The following XKR9 variants were observed in gnomAD, a reference collection of about 807,000 sequenced individuals.
The protein encoded by XKR9 is XK related 9, also known as XK-related protein 9.
A neutral mutation model predicts 32.0 loss-of-function variants in XKR9; 32 were observed. The observed-to-expected ratio is 1.00, with a 90% CI of 0.76 to 1.34. The LOEUF is 1.34. Among genes scored for constraint, XKR9 ranks in the 40% most tolerant of loss-of-function variants. The pLI is 0.00. For missense variants in XKR9, 546 were observed against 429.7 expected, an observed-to-expected ratio of 1.27 and a Z score of -2.39; for synonymous variants, 168 against 143.4, an observed-to-expected ratio of 1.17 and a Z score of -1.22.
chr8:70,760,137 A>G (rs899237983), intron 2 of XKR9, among the ~76,000 whole-genome samples: 1 of 152,230 alleles, frequency 6.6e-6, no homozygotes. Flanking sequence ...TTCAACAGTC[A>G]TCATTCTGTA....
chr8:70,898,652 A>G, the XKR9 span, among the ~76,000 whole-genome samples: 2 of 152,176 alleles, frequency 1.3e-5, no homozygotes, highest in East Asian at 3.8e-4. Flanking sequence ...TCTGTTATTA[A>G]TATCTAGTTT....
the XKR9 span, among the ~76,000 whole-genome samples, chr8:70,972,324 AAC>A: frequency 5.9e-5 from 9 of 152,102 alleles, no homozygotes; most frequent in African/African-American, 2.2e-4. Flanking sequence ...TGTATCCTGA[AAC>A]TTTGCTGAAT....
chr8:70,794,623 C>A (rs1807805064), downstream of XKR9, among the ~76,000 whole-genome samples: 1 of 151,932 alleles, frequency 6.6e-6, no homozygotes, highest in Admixed American at 6.6e-5. Flanking sequence ...TAGTTTTAAA[C>A]TGTCATTCTA....
At chr8:70,844,284 A>C in the XKR9 span, among the ~76,000 whole-genome samples, 1 of 152,178 alleles carries the variant, frequency 6.6e-6, no homozygotes, top group Non-Finnish European at 1.5e-5. Flanking sequence ...CAGGGTTGCC[A>C]CCATGTACTT....
the XKR9 span, among the ~76,000 whole-genome samples, chr8:70,847,972 C>A: frequency 6.6e-6 from 1 of 151,970 alleles, no homozygotes; most frequent in Admixed American, 6.6e-5. Context: ...TTCTACAAGG[C>A]CAACACTACT....
At chr8:70,914,570 G>C in the XKR9 span, among the ~76,000 whole-genome samples, 9 of 152,038 alleles carry the variant, frequency 5.9e-5, no homozygotes, top group South Asian at 1.9e-3. Context: ...CTATTGTATT[G>C]TTTGCTTTTC....
the XKR9 span, among the ~76,000 whole-genome samples, chr8:70,855,659 C>A: frequency 6.6e-6 from 1 of 152,206 alleles, no homozygotes; most frequent in Non-Finnish European, 1.5e-5. Context: ...AAAAGCAATT[C>A]CAAGACACAT....
chr8:70,731,708 T>A (rs1356490470), intron 4 of XKR9, among the ~76,000 whole-genome samples: 1 of 152,108 alleles, frequency 6.6e-6, no homozygotes, highest in Admixed American at 6.5e-5. Context: ...CAATGGGTGA[T>A]CTCTGGGCAA....
intron 3 of XKR9, among the ~76,000 whole-genome samples, chr8:70,684,532 C>A (rs956313216): frequency 1.3e-5 from 2 of 150,842 alleles, no homozygotes; most frequent in Non-Finnish European, 3.0e-5. Context: ...TTATCTGGAT[C>A]AATTAAAATT....
chr8:70,897,823 C>T, the XKR9 span, among the ~76,000 whole-genome samples: 3 of 152,148 alleles, frequency 2.0e-5, no homozygotes, highest in Non-Finnish European at 4.4e-5. Context: ...CGTGGGTTAT[C>T]TCTTCACTTT....
At chr8:70,705,506 A>G (rs572249131) in intron 3 of XKR9, among the ~76,000 whole-genome samples, 61 of 152,230 alleles carry the variant, frequency 4.0e-4, no homozygotes, top group Non-Finnish European at 6.3e-4. Context: ...CTGAAAATAT[A>G]TGGAGTTTAG....
chr8:70,849,362 A>T, the XKR9 span, among the ~76,000 whole-genome samples: 1 of 152,242 alleles, frequency 6.6e-6, no homozygotes, highest in Non-Finnish European at 1.5e-5. Flanking sequence ...CTCCAGAATG[A>T]CTACTGGGTA....
chr8:70,870,599 G>A, the XKR9 span, among the ~76,000 whole-genome samples: 1 of 152,300 alleles, frequency 6.6e-6, no homozygotes, highest in East Asian at 1.9e-4. Flanking sequence ...TCGGTAATTT[G>A]CCGTGTAAAG....
chr8:70,877,719 C>A, the XKR9 span, among the ~76,000 whole-genome samples: 1 of 152,150 alleles, frequency 6.6e-6, no homozygotes. Flanking sequence ...GAGAATGGAA[C>A]CAAGTTGGAA....
chr8:70,839,749 C>T, the XKR9 span, among the ~76,000 whole-genome samples: 1 of 152,112 alleles, frequency 6.6e-6, no homozygotes, highest in African/African-American at 2.4e-5. Flanking sequence ...CAAATAATAG[C>T]ATATACTCTG....
intron 2 of XKR9, among the ~76,000 whole-genome samples, chr8:70,778,381 G>C (rs1297998349): frequency 6.6e-6 from 1 of 152,190 alleles, no homozygotes; most frequent in Non-Finnish European, 1.5e-5. Flanking sequence ...CAGGTAGCCT[G>C]ATGCCTCCAG....
At chr8:70,765,547 G>A (rs2197368) in intron 2 of XKR9, among the ~76,000 whole-genome samples, 102,814 of 152,000 alleles carry the variant, frequency 0.68, 35,270 homozygotes, top group Admixed American at 0.74. Flanking sequence ...GATGATGTTC[G>A]CTTTCCTGTT....
At chr8:71,007,027 CAG>C in the XKR9 span, among the ~76,000 whole-genome samples, 1 of 152,176 alleles carries the variant, frequency 6.6e-6, no homozygotes, top group Non-Finnish European at 1.5e-5. Context: ...GTGTTATAAT[CAG>C]AGAGGTTTAC....
At chr8:70,754,203 A>G (rs184586061) in intron 2 of XKR9, among the ~76,000 whole-genome samples, 163 of 148,362 alleles carry the variant, frequency 1.1e-3, no homozygotes, top group African/African-American at 3.9e-3. Flanking sequence ...GAATCAACTT[A>G]CAAGGGATGT....
Sources: allele counts gnomAD v4.1 joint callset (sites outside exome capture counted in the v4.1 genomes callset), GRCh38; gene constraint gnomAD v4.1.1; transcripts MANE v1.5; gene names NCBI Gene and HGNC (gene_info 2026-07-23, HGNC 2026-07-21).